Variants in COG7 observed in about 807,000 individuals in gnomAD.
COG7 encodes the protein conserved oligomeric Golgi complex subunit 7.
In COG7, 49 loss-of-function variants were observed where a neutral mutation model predicts 91.5. The ratio of observed to expected loss-of-function variants is 0.54; its 90% CI spans 0.43 to 0.68. The LOEUF (loss-of-function observed/expected upper bound fraction) is 0.68, where lower values mean the gene tolerates loss of function less well. Ranked by LOEUF, COG7 falls within the 30% of genes least tolerant of loss-of-function variation. COG7 has a pLI of 0.00. For missense variants in COG7, 895 were observed against 961.3 expected, an observed-to-expected ratio of 0.93 and a Z score of 0.91; for synonymous variants, 365 against 388.7, an observed-to-expected ratio of 0.94 and a Z score of 0.72.
chr16:23,403,537 A>C (rs543862262), intron 13 of COG7, among the ~76,000 whole-genome samples, 157 bp downstream of exon 13: 2 of 152,342 alleles, frequency 1.3e-5, no homozygotes, highest in African/African-American at 4.8e-5. Context: ...CATGCTAAGC[A>C]ATGAGGTGAA....
intron 5 of COG7, among the ~76,000 whole-genome samples, chr16:23,433,926 G>A (rs761221391): frequency 6.6e-6 from 1 of 151,986 alleles, no homozygotes; most frequent in Non-Finnish European, 1.5e-5. Flanking sequence ...AACATGTAAT[G>A]TGCAACCACT....
At chr16:23,418,972 T>C in intron 7 of COG7, 145 bp from the exon 8 acceptor site, 1 of 737,504 alleles carries the variant, frequency 1.4e-6, no homozygotes, top group South Asian at 1.5e-5. Flanking sequence ...GCTTTTATCA[T>C]TCATGGAAGC....
intron 13 of COG7, among the ~76,000 whole-genome samples, chr16:23,400,979 A>AGG (rs1360521806): frequency 7.7e-5 from 11 of 142,538 alleles, no homozygotes; most frequent in Non-Finnish European, 1.1e-4. Flanking sequence ...CAAAAAAAAA[A>AGG]GGGGGGGGGG....
In COG7 at chr16:23,417,035, T is replaced by A. The variant is rs1479950991; in HGVS notation, c.1224A>T (p.Arg408Ser). Residue 408 changes from arginine (R) to serine (S), a missense_variant, in exon 9 of 17, where the codon AGA (arginine) becomes AGT (serine). Arg to Ser is a moderately radical substitution (Grantham distance 110). Transcript: ENST00000307149. The part of the protein sequence containing the change: ...LFGLASAAVD[R>S]CVRFTNGLGT... The stretch of plus-strand genomic sequence containing the variant: ...CCAGGCCATTGGTGAATCTGACGCA[T>A]CTGTCAACGGCTGCAGACGCCAGAC... 1 of 1,614,234 alleles carries A rather than the reference T, an allele frequency of 6.2e-7. No homozygotes were observed. Among genetic ancestry groups the A allele is most frequent in the South Asian group, 1.1e-5 (1 of 91,080 alleles).
chr16:23,391,826 G>A (rs1171878476), intron 16 of COG7: 3 of 228,680 alleles, frequency 1.3e-5, no homozygotes, highest in African/African-American at 6.8e-5. Context: ...AGGAGCAAAG[G>A]GGACACGCCC....
intron 16 of COG7, 145 bp from the exon 17 acceptor site, chr16:23,389,231 G>A (rs1221471792): frequency 2.3e-6 from 2 of 882,662 alleles, no homozygotes; most frequent in African/African-American, 3.3e-5. Context: ...GCCCTCAATA[G>A]GCCCTTTACT....
Position 23,418,876 on chromosome 16 carries a change from T to C in COG7, c.1010-49A>G, listed in dbSNP as rs185250898. ...ACGATAATGAACAAAGAATCTGAAA[T>C]TAACTGTGGGAAAGCAACAATCAAG... On this transcript the variant is annotated intron_variant, in intron 7 of 16. Coordinates refer to ENST00000307149, the MANE Select transcript of COG7 (RefSeq NM_153603.4). 33 of 1,579,308 alleles carry C rather than the reference T, an allele frequency of 2.1e-5. 1 individual carries two copies. The highest frequency in any genetic ancestry group is 3.3e-4 in the Middle Eastern group (2 of 6,006).
intron 6 of COG7, among the ~76,000 whole-genome samples, chr16:23,426,818 C>CAAAAAAAAAAAAAAAAAA (rs1176659874): frequency 3.3e-5 from 2 of 60,320 alleles, no homozygotes; most frequent in Admixed American, 1.7e-4. Context: ...AGCAATTGGA[C>CAAAAAAAAAAAAAAAAAA]AAAAAAAAAA....
At chr16:23,419,841 A>G (rs889551564) in intron 7 of COG7, among the ~76,000 whole-genome samples, 2 of 151,694 alleles carry the variant, frequency 1.3e-5, no homozygotes, top group Non-Finnish European at 2.9e-5. Context: ...TCCTAGAAAC[A>G]GAATACCCCC....
At chr16:23,447,423 C>CTAGT (rs1964199150) in intron 1 of COG7, 1 of 150,892 alleles carries the variant, frequency 6.6e-6, no homozygotes, top group South Asian at 2.1e-4. Flanking sequence ...GTAGGTCAGG[C>CTAGT]TAGTCTCAAA....
chr16:23,420,344 T>C (rs1448262601), intron 7 of COG7, among the ~76,000 whole-genome samples: 1 of 152,196 alleles, frequency 6.6e-6, no homozygotes, highest in Non-Finnish European at 1.5e-5. Flanking sequence ...CAGAAAGCTT[T>C]GGACACAGTC....
chr16:23,425,045 T>G (rs1477772490), intron 6 of COG7, 98 bp from the exon 7 acceptor site: 2 of 1,014,134 alleles, frequency 2.0e-6, no homozygotes, highest in Non-Finnish European at 3.0e-6. Flanking sequence ...CACGGTGGCT[T>G]ATGCCTATAA....
intron 7 of COG7, among the ~76,000 whole-genome samples, chr16:23,421,273 A>G (rs951272840): frequency 7.2e-5 from 11 of 151,802 alleles, no homozygotes; most frequent in African/African-American, 2.7e-4. Flanking sequence ...TATTTACAAC[A>G]TATTTGATAA....
In COG7 at chr16:23,388,859, T is replaced by G. The variant is rs1045472965; in HGVS notation, c.*61A>C. 21 of 1,611,464 alleles carry G rather than the reference T, an allele frequency of 1.3e-5. No individual in the cohort carries two copies. Among genetic ancestry groups the G allele is most frequent in the Non-Finnish European group, 1.6e-5 (19 of 1,179,184 alleles). ...CTTGGGCAGAGTTTCTGAGCAAATC[T>G]GTGCTGGTGAGTCGCGAAACAGCAG... On this transcript the variant is annotated 3_prime_UTR_variant, in exon 17 of 17. Coordinates refer to ENST00000307149, the MANE Select transcript of COG7 (RefSeq NM_153603.4).
At chr16:23,416,007 G>A (rs1275470671) in intron 9 of COG7, 1 of 152,062 alleles carries the variant, frequency 6.6e-6, no homozygotes, top group Non-Finnish European at 1.5e-5. Context: ...TGCTTAATAT[G>A]GAAATGTATT....
intron 6 of COG7, among the ~76,000 whole-genome samples, chr16:23,430,185 G>C (rs776366239): frequency 5.9e-5 from 9 of 152,228 alleles, no homozygotes; most frequent in Non-Finnish European, 8.8e-5. Flanking sequence ...TTTGGGAGGC[G>C]TGCAGCCCAA....
In COG7 at chr16:23,442,500, G is replaced by T; in HGVS notation, c.581C>A (p.Ala194Glu). The part of the protein sequence containing the change: ...LEALASPQIV[A>E]AFTSQAVDQS... Reference sequence around the variant, plus strand: ...ACCTACAGCCTGAGAGGTGAATGCCGCTACAATCTGTGGACTGGCTAGGGC... The same window carrying T: ...ACCTACAGCCTGAGAGGTGAATGCCTCTACAATCTGTGGACTGGCTAGGGC... The change falls in exon 4 of 17, where the codon GCG becomes GAG. Residue 194 changes from alanine to glutamate, a missense_variant. Coordinates refer to ENST00000307149, the MANE Select transcript of COG7 (RefSeq NM_153603.4). The T allele has an allele frequency of 6.2e-7, 1 of 1,614,028 alleles. No individual in the cohort carries two copies. The highest frequency in any genetic ancestry group is 8.5e-7 in the Non-Finnish European group (1 of 1,180,024).
At chr16:23,392,328 G>C (rs772586634) in intron 16 of COG7, 52 bp downstream of exon 16, 3 of 1,612,874 alleles carry the variant, frequency 1.9e-6, no homozygotes, top group East Asian at 2.2e-5. Flanking sequence ...GAAACTGACA[G>C]ATGCAGCAGG....
At chr16:23,445,407 C>A (rs922473130) in intron 2 of COG7, among the ~76,000 whole-genome samples, 4 of 152,168 alleles carry the variant, frequency 2.6e-5, no homozygotes, top group African/African-American at 9.7e-5. Context: ...AATCCCAGCA[C>A]TTTGGGAGGC....
Sources: gnomAD v4.1 joint callset for allele counts (sites outside exome capture counted in the v4.1 genomes callset) on GRCh38, gnomAD v4.1.1 for gene constraint, MANE v1.5 for transcripts, NCBI Gene and HGNC (gene_info 2026-07-23, HGNC 2026-07-21) for gene names.